KLRF1: variants seen among roughly 807,000 people sequenced by gnomAD.
KLRF1 encodes killer cell lectin-like receptor subfamily F member 1.
KLRF1 carries 27 observed loss-of-function variants against 30.7 expected under a neutral mutation model. The observed-to-expected ratio is 0.88, with a 90% CI of 0.65 to 1.21. The LOEUF (loss-of-function observed/expected upper bound fraction) is 1.21, where lower values mean the gene tolerates loss of function less well. KLRF1 is among the 50% of genes most tolerant of loss of function. The pLI, the probability that KLRF1 is intolerant of heterozygous loss-of-function variation, is 0.00. For missense variants in KLRF1, 246 were observed against 259.3 expected, an observed-to-expected ratio of 0.95 and a Z score of 0.35; for synonymous variants, 92 against 89.3, an observed-to-expected ratio of 1.03 and a Z score of -0.17.
chr12:9,815,976 G>T, the KLRF1 span, among the ~76,000 whole-genome samples: 1 of 152,116 alleles, frequency 6.6e-6, no homozygotes, highest in African/African-American at 2.4e-5. Context: ...ACGCCACCAC[G>T]CCTAGCTGAT....
At chr12:9,837,175 T>TTA (rs1423272677) in intron 3 of KLRF1, among the ~76,000 whole-genome samples, 1 of 152,092 alleles carries the variant, frequency 6.6e-6, no homozygotes, top group African/African-American at 2.4e-5. Context: ...CTATATGGAT[T>TTA]TACCTATTCT....
At chr12:9,827,290 TATTCA>T (rs1163043796), upstream of KLRF1, among the ~76,000 whole-genome samples, 1 of 152,172 alleles carries the variant, frequency 6.6e-6, no homozygotes, top group Admixed American at 6.5e-5. Flanking sequence ...CTCAAAAGAA[TATTCA>T]ATTCAATATG....
chr12:9,824,979 C>A (rs1043803344), upstream of KLRF1, among the ~76,000 whole-genome samples: 1 of 152,046 alleles, frequency 6.6e-6, no homozygotes, highest in African/African-American at 2.4e-5. Context: ...ATGACACAAA[C>A]AAATGAAAAA....
intron 1 of KLRF1, among the ~76,000 whole-genome samples, chr12:9,830,835 T>C (rs866594779): frequency 2.0e-5 from 3 of 152,050 alleles, no homozygotes; most frequent in African/African-American, 7.2e-5. Flanking sequence ...TGGTTTTGGG[T>C]GGTTAAAAGG....
the KLRF1 span, among the ~76,000 whole-genome samples, chr12:9,821,424 G>A: frequency 2.0e-5 from 3 of 151,950 alleles, no homozygotes; most frequent in Admixed American, 6.6e-5. Flanking sequence ...AGCAACAGTC[G>A]ACCCAAGGAG....
chr12:9,822,126 A>G, the KLRF1 span, among the ~76,000 whole-genome samples: 1 of 152,224 alleles, frequency 6.6e-6, no homozygotes, highest in Non-Finnish European at 1.5e-5. Context: ...TGTCCTCCAA[A>G]TGACTGCGCT....
At chr12:9,801,072 C>T in the KLRF1 span, among the ~76,000 whole-genome samples, 1 of 152,038 alleles carries the variant, frequency 6.6e-6, no homozygotes, top group Non-Finnish European at 1.5e-5. Context: ...TGTTTAACTC[C>T]CACTGATGAG....
At chr12:9,817,856 C>A in the KLRF1 span, 1 of 189,642 alleles carries the variant, frequency 5.3e-6, no homozygotes, top group South Asian at 1.3e-4. Flanking sequence ...CCTGGTGGTT[C>A]ACTAAGATTC....
At chr12:9,800,354 C>G in the KLRF1 span, among the ~76,000 whole-genome samples, 4 of 152,062 alleles carry the variant, frequency 2.6e-5, no homozygotes, top group African/African-American at 9.6e-5. Context: ...GATTTTTGGT[C>G]ACATGGATGA....
At chr12:9,823,409 A>G (rs1189691992), upstream of KLRF1, among the ~76,000 whole-genome samples, 1 of 152,216 alleles carries the variant, frequency 6.6e-6, no homozygotes, top group Non-Finnish European at 1.5e-5. Flanking sequence ...AATGAAATTA[A>G]GGCAGACATC....
Position 9,844,476 on chromosome 12 carries a change from A to C in KLRF1, c.646A>C (p.Ile216Leu). 1 of 1,611,110 alleles carries C rather than the reference A, an allele frequency of 6.2e-7. No homozygotes were observed. Among genetic ancestry groups the C allele is most frequent in the Non-Finnish European group, 8.5e-7 (1 of 1,177,948 alleles). Reference sequence around the variant, plus strand: ...CTGTGCTGCCATTAAGGAAAGCAAAATTTTCTCTGAAACCTGCAGCAGTGT... The same window carrying C: ...CTGTGCTGCCATTAAGGAAAGCAAACTTTTCTCTGAAACCTGCAGCAGTGT... ...NSCAAIKESK[I>L]FSETCSSVFK... Residue 216 changes from isoleucine to leucine, a missense_variant, in exon 6 of 6, where the codon ATT becomes CTT. Transcript: ENST00000617889.
In KLRF1 at chr12:9,834,446, C is replaced by T. The variant is rs550689442; in HGVS notation, c.334+994C>T. 2.3e-4 allele frequency among the ~76,000 whole-genome samples: 35 copies of T among 151,808 alleles called. No homozygotes were observed. The South Asian group carries it at 6.5e-3, about 28-fold the overall frequency. On this transcript the variant is annotated intron_variant, in intron 3 of 5. Coordinates refer to ENST00000617889, the MANE Select transcript of KLRF1 (RefSeq NM_016523.3). ...GGGGGTAGCATGGAGAGATAATGGGCGATGTTTCTCAGGGCTTCTTCGAGC... is the reference window on the plus strand; with the variant it reads ...GGGGGTAGCATGGAGAGATAATGGGTGATGTTTCTCAGGGCTTCTTCGAGC...
At chr12:9,834,092 A>G (rs1276452957) in intron 3 of KLRF1, among the ~76,000 whole-genome samples, 1 of 151,848 alleles carries the variant, frequency 6.6e-6, no homozygotes, top group East Asian at 1.9e-4. Context: ...GGGGGTCACA[A>G]GGTGCTCAGT....
chr12:9,829,521 G>A (rs1337249142), intron 1 of KLRF1, among the ~76,000 whole-genome samples: 1 of 152,174 alleles, frequency 6.6e-6, no homozygotes, highest in African/African-American at 2.4e-5. Context: ...GGAAGGCCGA[G>A]GCAGGATGAT....
Position 9,842,449 on chromosome 12 carries a change from A to C in KLRF1, c.587+16A>C. 1 of 1,608,822 alleles carries C rather than the reference A, an allele frequency of 6.2e-7. No homozygotes were observed. The highest frequency in any genetic ancestry group is 8.5e-7 in the Non-Finnish European group (1 of 1,176,838). On this transcript the variant is annotated intron_variant, in intron 5 of 5. Transcript: ENST00000617889. ...ATTCAAAGATGTGAGTCTTTCTTAAAAGGCAATCTGATTTATTGTTTATTG... is the reference window on the plus strand; with the variant it reads ...ATTCAAAGATGTGAGTCTTTCTTAACAGGCAATCTGATTTATTGTTTATTG...
At chr12:9,818,240 G>C in the KLRF1 span, among the ~76,000 whole-genome samples, 4 of 152,302 alleles carry the variant, frequency 2.6e-5, no homozygotes, top group Non-Finnish European at 5.9e-5. Flanking sequence ...TCTCATCACT[G>C]CTTGAATCAA....
intron 1 of KLRF1, among the ~76,000 whole-genome samples, chr12:9,830,837 G>A (rs1344710792): frequency 3.3e-5 from 5 of 151,912 alleles, no homozygotes; most frequent in Non-Finnish European, 1.5e-5. Flanking sequence ...GTTTTGGGTG[G>A]TTAAAAGGCT....
chr12:9,826,855 C>T (rs1867291480), upstream of KLRF1, among the ~76,000 whole-genome samples: 2 of 152,018 alleles, frequency 1.3e-5, no homozygotes, highest in South Asian at 4.1e-4. Context: ...GAATGACAGA[C>T]ACCGGAGCCT....
At chr12:9,805,089 CAT>C in the KLRF1 span, among the ~76,000 whole-genome samples, 8 of 151,778 alleles carry the variant, frequency 5.3e-5, no homozygotes, top group Non-Finnish European at 1.0e-4. Flanking sequence ...AATTTTTTAA[CAT>C]AGTATTATAT....
Sources: gnomAD v4.1 joint callset for allele counts (sites outside exome capture counted in the v4.1 genomes callset) on GRCh38, gnomAD v4.1.1 for gene constraint, MANE v1.5 for transcripts, NCBI Gene and HGNC (gene_info 2026-07-23, HGNC 2026-07-21) for gene names.